HEG1: variants seen among roughly 807,000 people sequenced by gnomAD.
The protein encoded by HEG1 is protein HEG homolog 1.
In HEG1, 56 loss-of-function variants were observed where a neutral mutation model predicts 125.6. That is an observed-to-expected ratio of 0.45 (90% CI 0.36 to 0.56). The LOEUF is 0.56. HEG1 is among the 20% of genes least tolerant of loss of function. HEG1 has a pLI of 0.00. For missense variants in HEG1, 1,523 were observed against 1,670.0 expected, an observed-to-expected ratio of 0.91 and a Z score of 1.53; for synonymous variants, 644 against 668.5, an observed-to-expected ratio of 0.96 and a Z score of 0.57.
rs185113023 is a variant in HEG1 at position 125,015,108 on chromosome 3, C to T, written c.1589-1118G>A. On this transcript the variant is annotated intron_variant, in intron 5 of 16. Transcript: ENST00000311127. ...ACTTCCTGGGCTGTGGGAGCCAAGACGCTCCCCTGTACTTTTAGGGTCTTT... is the reference window on the plus strand; with the variant it reads ...ACTTCCTGGGCTGTGGGAGCCAAGATGCTCCCCTGTACTTTTAGGGTCTTT... 2.2e-4 allele frequency: 178 copies of T among 805,574 alleles called. 1 individual carries two copies. The highest frequency in any genetic ancestry group is 2.1e-3 in the African/African-American group (116 of 55,162). The allele number at this position is 805,574 out of a possible 1,614,324, so 49.9% of individuals were successfully genotyped here. A position where few individuals can be genotyped will look rare whatever the true frequency, so the allele number is the denominator to read the frequency against.
At chr3:124,986,798 C>T (rs185322095) in intron 14 of HEG1, among the ~76,000 whole-genome samples, 5 of 152,242 alleles carry the variant, frequency 3.3e-5, no homozygotes, top group Admixed American at 2.0e-4. Context: ...ACTTCCAGAA[C>T]CCCACAAAAA....
chr3:125,041,984 TA>T (rs2107712189), intron 1 of HEG1, among the ~76,000 whole-genome samples: 1 of 152,358 alleles, frequency 6.6e-6, no homozygotes, highest in East Asian at 1.9e-4. Context: ...AATGAGTTTC[TA>T]TTTGGGATGA....
At chr3:124,978,422 C>T (rs1936586005) in intron 14 of HEG1, among the ~76,000 whole-genome samples, 1 of 152,188 alleles carries the variant, frequency 6.6e-6, no homozygotes, top group African/African-American at 2.4e-5. Context: ...TCTGGGATTA[C>T]AGGCGTGAGC....
At chr3:125,009,905 A>ACT in intron 7 of HEG1, 81 bp from the exon 8 acceptor site, 1 of 1,411,596 alleles carries the variant, frequency 7.1e-7, no homozygotes, top group Non-Finnish European at 9.6e-7. Context: ...GTACTTACTA[A>ACT]GGGCCAAATG....
intron 14 of HEG1, among the ~76,000 whole-genome samples, 192 bp from the exon 15 acceptor site, chr3:124,978,138 T>TG (rs1419351574): frequency 6.6e-6 from 1 of 151,980 alleles, no homozygotes; most frequent in East Asian, 1.9e-4. Context: ...AGAAGAGTTT[T>TG]TTGTTGTTGT....
chr3:125,009,506 C>A, intron 8 of HEG1, 199 bp downstream of exon 8: 1 of 420,154 alleles, frequency 2.4e-6, no homozygotes, highest in Non-Finnish European at 4.3e-6. Flanking sequence ...ATATACTGCA[C>A]ATCAAAAACA....
chr3:124,986,058 GTGAGC>G (rs1936733518), intron 14 of HEG1, among the ~76,000 whole-genome samples: 1 of 152,192 alleles, frequency 6.6e-6, no homozygotes, highest in Non-Finnish European at 1.5e-5. Flanking sequence ...GATTACAGGC[GTGAGC>G]CACTGTGCCT....
chr3:125,041,668 T>G (rs2107712112), intron 1 of HEG1, among the ~76,000 whole-genome samples: 1 of 152,332 alleles, frequency 6.6e-6, no homozygotes, highest in African/African-American at 2.4e-5. Context: ...GCAGGATTAT[T>G]CACAACAGCT....
rs76876924 is a variant in HEG1, at chr3:125,021,160, T to A, written c.914-30A>T. On this transcript the variant is annotated intron_variant, in intron 3 of 16. Transcript: ENST00000311127. ...AATGGAAAAAGATATGCTTCAAAAT[T>A]ACTCAGGAGTTTAAGAAAATCCGGA... The A allele has an allele frequency of 2.0e-3, 2,936 of 1,484,436 alleles. 44 individuals are homozygous for A. The African/African-American group carries it at 0.035, about 18-fold the overall frequency. The allele number at this position is 1,484,436 out of a possible 1,614,324, so 92.0% of individuals were successfully genotyped here. A position where few individuals can be genotyped will look rare whatever the true frequency, so the allele number is the denominator to read the frequency against.
At chr3:125,015,517 T>TG (rs1937231958) in intron 5 of HEG1, among the ~76,000 whole-genome samples, 1 of 152,030 alleles carries the variant, frequency 6.6e-6, no homozygotes, top group Admixed American at 6.5e-5. Flanking sequence ...CAGCCTGAGG[T>TG]GGGGGGTGAA....
intron 9 of HEG1, among the ~76,000 whole-genome samples, chr3:125,003,884 T>A (rs1256045425): frequency 6.6e-6 from 1 of 152,244 alleles, no homozygotes; most frequent in Non-Finnish European, 1.5e-5. Context: ...CTGTTGACTT[T>A]CACTGTAATA....
chr3:125,002,641 C>G (rs1045935583), intron 9 of HEG1, among the ~76,000 whole-genome samples: 6 of 152,168 alleles, frequency 3.9e-5, no homozygotes, highest in African/African-American at 1.4e-4. Context: ...AACTCAGAGG[C>G]AACTGTTTAT....
intron 14 of HEG1, among the ~76,000 whole-genome samples, chr3:124,985,377 T>C (rs1035896393): frequency 6.6e-6 from 1 of 152,230 alleles, no homozygotes; most frequent in African/African-American, 2.4e-5. Flanking sequence ...GGGCATGTGC[T>C]ATATTGTTAT....
intron 14 of HEG1, among the ~76,000 whole-genome samples, chr3:124,979,244 G>A (rs539605909): frequency 6.6e-6 from 1 of 152,258 alleles, no homozygotes; most frequent in South Asian, 2.1e-4. Context: ...GAGCCACCAT[G>A]CCTGGCCTAA....
Position 124,970,718 on chromosome 3 carries a change from G to T in HEG1, c.4080C>A (p.Cys1360Ter). Residue 1360 changes from cysteine to a stop codon, truncating the protein, a stop_gained, in exon 17 of 17, where the codon TGC (cysteine) becomes TGA (stop). Transcript: ENST00000311127. LOFTEE classifies it high-confidence loss of function. ...ACGGGTTATACTGTCCGGGGAAAAT[G>T]CAAGAATGCCGTGATCCTGGCAGTC... ...YTGLPGSRHS[C>*]IFPGQYNPSF... 6.2e-7 allele frequency: 1 copy of T among 1,609,924 alleles called. No individual in the cohort carries two copies. Among genetic ancestry groups the T allele is most frequent in the African/African-American group, 1.3e-5 (1 of 75,018 alleles).
intron 1 of HEG1, among the ~76,000 whole-genome samples, chr3:125,046,398 T>TACACACACACACACACACAC (rs10522507): frequency 1.4e-5 from 2 of 141,552 alleles, no homozygotes; most frequent in East Asian, 4.2e-4. Flanking sequence ...TATATACACA[T>TACACACACACACACACACAC]ACACACACAC....
chr3:125,000,811 T>A (rs112838716), intron 11 of HEG1, among the ~76,000 whole-genome samples: 12 of 152,334 alleles, frequency 7.9e-5, no homozygotes, highest in African/African-American at 2.2e-4. Context: ...TGATATCTTC[T>A]ACTCATGTCC....
At chr3:125,047,986 C>A (rs1484992668) in intron 1 of HEG1, among the ~76,000 whole-genome samples, 1 of 152,180 alleles carries the variant, frequency 6.6e-6, no homozygotes. Context: ...AAATCCATTT[C>A]TTTGCCTTCA....
intron 3 of HEG1, among the ~76,000 whole-genome samples, chr3:125,026,605 A>G (rs1937419024): frequency 6.6e-6 from 1 of 152,178 alleles, no homozygotes; most frequent in Non-Finnish European, 1.5e-5. Flanking sequence ...CCATCGAAGG[A>G]AACATTTTTG....
Sources: allele counts gnomAD v4.1 joint callset (sites outside exome capture counted in the v4.1 genomes callset), GRCh38; gene constraint gnomAD v4.1.1; transcripts MANE v1.5; gene names NCBI Gene and HGNC (gene_info 2026-07-23, HGNC 2026-07-21).